Variants in FHIT observed in about 807,000 individuals in gnomAD.
FHIT encodes fragile histidine triad diadenosine triphosphatase.
FHIT carries 19 observed loss-of-function variants against 17.9 expected under a neutral mutation model. That is an observed-to-expected ratio of 1.06 (90% CI 0.74 to 1.56). The LOEUF (loss-of-function observed/expected upper bound fraction) is 1.56. Ranked by LOEUF, FHIT falls within the 40% of genes most tolerant of loss-of-function variation. The pLI is 0.00. For synonymous variants in FHIT, 81 were observed against 69.7 expected (o/e 1.16, Z -0.81); for missense variants, 248 against 189.2 (o/e 1.31, Z -1.82).
chr3:61,114,891 T>G (rs995916188), intron 2 of FHIT, among the ~76,000 whole-genome samples: 1 of 152,152 alleles, frequency 6.6e-6, no homozygotes, highest in Admixed American at 6.6e-5. Flanking sequence ...ATGCTTCCAG[T>G]ACAAAGTTTA....
intron 2 of FHIT, among the ~76,000 whole-genome samples, chr3:61,120,108 G>A (rs1022336949): frequency 2.0e-5 from 3 of 152,116 alleles, no homozygotes; most frequent in South Asian, 2.1e-4. Context: ...AATGACCTGG[G>A]TTCAATTCTT....
chr3:59,948,348 CAAA>C (rs35941668), intron 7 of FHIT, among the ~76,000 whole-genome samples: 55 of 116,390 alleles, frequency 4.7e-4, no homozygotes, highest in African/African-American at 1.1e-3. Context: ...ACTAAAAATA[CAAA>C]AAAAAAAAAA....
chr3:60,082,827 T>C (rs1011170691), intron 5 of FHIT, among the ~76,000 whole-genome samples: 4 of 152,144 alleles, frequency 2.6e-5, no homozygotes, highest in East Asian at 1.9e-4. Context: ...GGCTGTTTTT[T>C]GCTTGTTGAA....
At chr3:61,029,309 C>T (rs916686511) in intron 3 of FHIT, among the ~76,000 whole-genome samples, 13 of 152,146 alleles carry the variant, frequency 8.5e-5, no homozygotes, top group Non-Finnish European at 1.6e-4. Flanking sequence ...TAATTAAGAA[C>T]GACCAAGGGT....
chr3:60,809,834 A>G (rs1455414481), intron 4 of FHIT, among the ~76,000 whole-genome samples: 5 of 152,222 alleles, frequency 3.3e-5, no homozygotes, highest in African/African-American at 1.2e-4. Context: ...ACTCAAGTCC[A>G]TTTAGGCTAG....
intron 5 of FHIT, among the ~76,000 whole-genome samples, chr3:60,192,736 C>G (rs1245122909): frequency 1.3e-5 from 2 of 152,184 alleles, no homozygotes; most frequent in African/African-American, 4.8e-5. Flanking sequence ...TGAGTCCTAA[C>G]TTTCTACCCT....
In FHIT at chr3:60,976,309, G is replaced by A. The variant is rs908204738; in HGVS notation, c.-111+65738C>T. Reference sequence around the variant, plus strand: ...TTTAGTAGAGACAGGGTTTTACCACGTTGGCCAGGCTAATCTTGCACTCCT... The same window carrying A: ...TTTAGTAGAGACAGGGTTTTACCACATTGGCCAGGCTAATCTTGCACTCCT... On this transcript the variant is annotated intron_variant, in intron 3 of 9. Transcript: ENST00000492590. Among the ~76,000 whole-genome samples the A allele has an allele frequency of 4.6e-5, 7 of 151,726 alleles. No homozygotes were observed. In the South Asian group the frequency reaches 8.4e-4, roughly 18 times the overall value.
chr3:60,348,596 T>C (rs1710915521), intron 5 of FHIT, among the ~76,000 whole-genome samples: 1 of 152,216 alleles, frequency 6.6e-6, no homozygotes, highest in Non-Finnish European at 1.5e-5. Context: ...TGTGTAAGTA[T>C]ACCTGGGACT....
At chr3:59,765,810 A>G (rs1373871359) in intron 8 of FHIT, among the ~76,000 whole-genome samples, 1 of 152,218 alleles carries the variant, frequency 6.6e-6, no homozygotes, top group African/African-American at 2.4e-5. Flanking sequence ...TAAAATAGAT[A>G]GAATCTAGTA....
intron 8 of FHIT, among the ~76,000 whole-genome samples, chr3:59,823,886 T>C (rs1700884554): frequency 6.6e-6 from 1 of 152,182 alleles, no homozygotes; most frequent in Admixed American, 6.5e-5. Context: ...GGCATCCAAA[T>C]CGGTAAAGAG....
chr3:61,075,768 G>A lies in FHIT; in HGVS notation c.-163-33669C>T, dbSNP rs564315028. ...TCATTTATCCATTAAATAAGTATTC[G>A]TTCACTGCCTTCTATGTGTCAGACA... is the stretch of plus-strand genomic sequence containing the variant. On this transcript the variant is annotated intron_variant, in intron 2 of 9. Transcript: ENST00000492590. 8.2e-4 allele frequency among the ~76,000 whole-genome samples: 125 copies of A among 151,998 alleles called. 1 individual carries two copies. The highest frequency in any genetic ancestry group is 1.3e-3 in the Non-Finnish European group (87 of 67,938).
intron 5 of FHIT, among the ~76,000 whole-genome samples, chr3:60,219,224 C>T (rs60599753): frequency 0.019 from 2,938 of 152,140 alleles, 95 homozygotes; most frequent in African/African-American, 0.067. Flanking sequence ...TGGGTTTCTG[C>T]CCCTCGTAAT....
chr3:60,758,215 T>C (rs532272223), intron 4 of FHIT, among the ~76,000 whole-genome samples: 2 of 152,302 alleles, frequency 1.3e-5, no homozygotes, highest in African/African-American at 4.8e-5. Context: ...CCCAATAACC[T>C]TCCCTCTCCT....
chr3:59,807,140 A>G (rs145292041), intron 8 of FHIT, among the ~76,000 whole-genome samples: 372 of 152,312 alleles, frequency 2.4e-3, no homozygotes, highest in African/African-American at 8.6e-3. Context: ...AGAGATATAT[A>G]CATAGGTTAG....
At chr3:60,058,202 C>A (rs915542891) in intron 5 of FHIT, among the ~76,000 whole-genome samples, 1 of 129,660 alleles carries the variant, frequency 7.7e-6, no homozygotes, top group Non-Finnish European at 1.6e-5. Flanking sequence ...TGCAGTGGCT[C>A]GACTCGATCT....
intron 5 of FHIT, among the ~76,000 whole-genome samples, chr3:60,286,026 T>C (rs1263730330): frequency 6.6e-6 from 1 of 151,970 alleles, no homozygotes; most frequent in African/African-American, 2.4e-5. Context: ...GGTAAGTGGG[T>C]GTAGAGGGGG....
intron 5 of FHIT, among the ~76,000 whole-genome samples, chr3:60,284,890 A>G (rs1000393133): frequency 6.6e-6 from 1 of 152,162 alleles, no homozygotes; most frequent in African/African-American, 2.4e-5. Context: ...TTAATTCTCT[A>G]AAAGAACATA....
At chr3:61,034,984 T>C (rs1031210044) in intron 3 of FHIT, among the ~76,000 whole-genome samples, 1 of 152,194 alleles carries the variant, frequency 6.6e-6, no homozygotes, top group African/African-American at 2.4e-5. Flanking sequence ...AAACTTCTGA[T>C]ACATCTTATA....
At chr3:60,747,403 T>C (rs1553715651) in intron 4 of FHIT, among the ~76,000 whole-genome samples, 2 of 152,184 alleles carry the variant, frequency 1.3e-5, no homozygotes, top group Non-Finnish European at 2.9e-5. Context: ...AGCTTTCTGA[T>C]GGCAGAGGCT....
Sources: allele counts gnomAD v4.1 joint callset (sites outside exome capture counted in the v4.1 genomes callset), GRCh38; gene constraint gnomAD v4.1.1; transcripts MANE v1.5; gene names NCBI Gene and HGNC (gene_info 2026-07-23, HGNC 2026-07-21).